Variants in KSR1 observed in about 807,000 individuals in gnomAD.
KSR1 encodes the protein kinase suppressor of ras 1.
In KSR1, 35 loss-of-function variants were observed where a neutral mutation model predicts 92.9. The observed-to-expected ratio is 0.38, with a 90% CI of 0.29 to 0.50. KSR1 has a LOEUF of 0.50. Among genes scored for constraint, KSR1 ranks in the 20% least tolerant of loss-of-function variants. The pLI is 0.94. For synonymous variants in KSR1, 467 were observed against 472.6 expected (o/e 0.99, Z 0.15); for missense variants, 972 against 1,158.5 (o/e 0.84, Z 2.34).
chr17:27,500,566 C>T (rs535799768), intron 1 of KSR1, among the ~76,000 whole-genome samples: 22 of 152,230 alleles, frequency 1.4e-4, no homozygotes, highest in African/African-American at 5.1e-4. Context: ...TTCTGGGTAC[C>T]ACATTTTATT....
At chr17:27,567,090 C>G (rs766732116) in intron 2 of KSR1, among the ~76,000 whole-genome samples, 6 of 152,122 alleles carry the variant, frequency 3.9e-5, no homozygotes, top group Non-Finnish European at 7.4e-5. Flanking sequence ...CCTTAGCTAC[C>G]AAGCAGTTGT....
chr17:27,479,222 G>C (rs1440466202), intron 1 of KSR1, among the ~76,000 whole-genome samples: 1 of 139,070 alleles, frequency 7.2e-6, no homozygotes, highest in South Asian at 2.4e-4. Flanking sequence ...GCTCCTCCCT[G>C]CATCCATGCT....
chr17:27,538,605 G>A (rs970999402), intron 1 of KSR1, among the ~76,000 whole-genome samples: 2 of 152,224 alleles, frequency 1.3e-5, no homozygotes, highest in Admixed American at 1.3e-4. Flanking sequence ...CTCGTGGGTT[G>A]TGATGTGAAG....
intron 3 of KSR1, chr17:27,579,405 A>G (rs2072650108): frequency 6.6e-6 from 1 of 152,230 alleles, no homozygotes; most frequent in Non-Finnish European, 1.5e-5. Flanking sequence ...CAGTTTCCTC[A>G]TCTGTAAAAT....
chr17:27,461,251 TCG>T (rs1227781859), intron 1 of KSR1, among the ~76,000 whole-genome samples: 3 of 152,140 alleles, frequency 2.0e-5, no homozygotes, highest in African/African-American at 7.2e-5. Context: ...CAGCTAATTT[TCG>T]TGTTTTTAGT....
At chr17:27,534,060 T>G (rs557493283) in intron 1 of KSR1, among the ~76,000 whole-genome samples, 351 of 152,350 alleles carry the variant, frequency 2.3e-3, no homozygotes, top group African/African-American at 8.0e-3. Flanking sequence ...TCGGCTTGCT[T>G]CTTCAGGCTG....
At chr17:27,583,502 A>C (rs1259782222) in intron 4 of KSR1, among the ~76,000 whole-genome samples, 1 of 152,258 alleles carries the variant, frequency 6.6e-6, no homozygotes, top group South Asian at 2.1e-4. Context: ...CCACGGTGGC[A>C]GAGGGAGAAG....
intron 2 of KSR1, chr17:27,560,218 A>G (rs2151111874): frequency 8.7e-6 from 3 of 344,854 alleles, no homozygotes; most frequent in South Asian, 2.2e-5. Flanking sequence ...TCTCAGCTTC[A>G]TATTCTGGCA....
Position 27,605,727 on chromosome 17 carries a change from G to A in KSR1, c.1908G>A (p.Val636=), listed in dbSNP as rs772986260. The A allele has an allele frequency of 6.2e-7, 1 of 1,612,942 alleles. No homozygotes were observed. Among genetic ancestry groups the A allele is most frequent in the South Asian group, 1.1e-5 (1 of 91,050 alleles). Residue 636 remains valine, a synonymous_variant, in exon 14 of 21, where the codon GTG becomes GTA. Coordinates refer to ENST00000644974, the MANE Select transcript of KSR1 (RefSeq NM_001394583.1). ...ACCTGAAGCTCTTCAAGAAAGAGGT[G>A]ATGAACTACCGGCAGACGCGGCATG... ...QDHLKLFKKE[V]MNYRQTRHEN...
At position 27,597,363 on chromosome 17, in the gene KSR1, A is replaced by T; in HGVS notation, c.1395A>T (p.Ser465=). 1 of 1,613,688 alleles carries T rather than the reference A, an allele frequency of 6.2e-7. No individual in the cohort carries two copies. ...CCTCACCGGCGCCCTTCCCGACATC[A>T]TCCAACCCATCCAGCGCCACCACGC... ...TPSSPAPFPT[S]SNPSSATTPP... is the part of the protein sequence containing the mutation. The change falls in exon 10 of 21, where the codon TCA becomes TCT. Residue 465 remains serine (S), a synonymous_variant. Coordinates refer to ENST00000644974, the MANE Select transcript of KSR1 (RefSeq NM_001394583.1).
intron 1 of KSR1, among the ~76,000 whole-genome samples, chr17:27,484,191 G>T (rs2068597393): frequency 6.6e-6 from 1 of 152,188 alleles, no homozygotes; most frequent in Non-Finnish European, 1.5e-5. Context: ...TTCGAGGAGG[G>T]TTCTGTCCTT....
At chr17:27,466,442 T>A (rs2150910543) in intron 1 of KSR1, among the ~76,000 whole-genome samples, 1 of 152,098 alleles carries the variant, frequency 6.6e-6, no homozygotes, top group East Asian at 1.9e-4. Context: ...CCGAGAGAGG[T>A]GTGCCCGCCT....
chr17:27,461,918 G>T (rs536898217), intron 1 of KSR1, among the ~76,000 whole-genome samples: 4 of 84,224 alleles, frequency 4.7e-5, no homozygotes, highest in Non-Finnish European at 1.2e-4. Flanking sequence ...CGGTGGCAGT[G>T]TCTGCAATGC....
chr17:27,598,743 C>T (rs1394191349), intron 10 of KSR1, among the ~76,000 whole-genome samples: 1 of 152,270 alleles, frequency 6.6e-6, no homozygotes, highest in Non-Finnish European at 1.5e-5. Flanking sequence ...CAGCCAGACC[C>T]TTGCTGCTTT....
chr17:27,613,701 A>G (rs2073983145), intron 18 of KSR1, among the ~76,000 whole-genome samples: 1 of 152,228 alleles, frequency 6.6e-6, no homozygotes, highest in Non-Finnish European at 1.5e-5. Flanking sequence ...TGCAACTGTC[A>G]GTGGGCTCAA....
chr17:27,531,392 G>T (rs1339103313), intron 1 of KSR1, among the ~76,000 whole-genome samples: 1 of 152,254 alleles, frequency 6.6e-6, no homozygotes, highest in East Asian at 1.9e-4. Flanking sequence ...TGAAGGGGCT[G>T]CCTGGCAAAC....
chr17:27,619,994 G>C (rs886338595), intron 19 of KSR1, among the ~76,000 whole-genome samples: 1 of 152,210 alleles, frequency 6.6e-6, no homozygotes, highest in Non-Finnish European at 1.5e-5. Flanking sequence ...CACCGCGCCC[G>C]GCCTTCGGGC....
intron 20 of KSR1, chr17:27,622,913 T>C: frequency 4.3e-6 from 1 of 233,792 alleles, no homozygotes; most frequent in Non-Finnish European, 8.3e-6. Context: ...TGCACCCCAG[T>C]ATTAGAGTTT....
rs1034104082 is a variant in KSR1 at position 27,624,371 on chromosome 17, C to T, written c.*979C>T. The T allele has an allele frequency of 6.6e-6, 1 of 152,304 alleles. No homozygotes were observed. The highest frequency in any genetic ancestry group is 1.5e-5 in the Non-Finnish European group (1 of 68,112). The allele number at this position is 152,304 out of a possible 1,614,324, so 9.4% of individuals were successfully genotyped here. ...CATGCCAGAAGGTTCTAGAACTGCC[C>T]ACCTCTTCCATTTCAGTCCTGCTGA... On this transcript the variant is annotated 3_prime_UTR_variant, in exon 21 of 21. Coordinates refer to ENST00000644974, the MANE Select transcript of KSR1 (RefSeq NM_001394583.1).
Sources: gnomAD v4.1 joint callset for allele counts (sites outside exome capture counted in the v4.1 genomes callset) on GRCh38, gnomAD v4.1.1 for gene constraint, MANE v1.5 for transcripts, NCBI Gene and HGNC (gene_info 2026-07-23, HGNC 2026-07-21) for gene names.